Variants in PAPPA2 observed in about 807,000 individuals in gnomAD.
The protein encoded by PAPPA2 is pappalysin-2.
A neutral mutation model predicts 176.4 loss-of-function variants in PAPPA2; 86 were observed. The ratio of observed to expected loss-of-function variants is 0.49; its 90% CI spans 0.41 to 0.58. PAPPA2 has a LOEUF of 0.58. Ranked by LOEUF, PAPPA2 falls within the 20% of genes least tolerant of loss-of-function variation. PAPPA2 has a pLI of 0.00. For missense variants in PAPPA2, 2,073 were observed against 2,256.9 expected, an observed-to-expected ratio of 0.92 and a Z score of 1.65; for synonymous variants, 809 against 852.2, an observed-to-expected ratio of 0.95 and a Z score of 0.88.
intron 3 of PAPPA2, among the ~76,000 whole-genome samples, chr1:176,656,782 T>C (rs891952926): frequency 1.4e-5 from 2 of 143,660 alleles, no homozygotes; most frequent in Non-Finnish European, 3.1e-5. Flanking sequence ...CTCTCTCTCT[T>C]TCACACACAC....
At chr1:176,597,549 G>A (rs1349666545) in intron 3 of PAPPA2, among the ~76,000 whole-genome samples, 6 of 152,142 alleles carry the variant, frequency 3.9e-5, no homozygotes, top group South Asian at 2.1e-4. Context: ...TGGGGGGCTA[G>A]GGGAAGGATA....
chr1:176,773,056 C>T (rs1664304246), intron 17 of PAPPA2, among the ~76,000 whole-genome samples: 3 of 152,106 alleles, frequency 2.0e-5, no homozygotes, highest in Admixed American at 1.3e-4. Flanking sequence ...CCACCCAGAA[C>T]TCTGGGTGGA....
At chr1:176,779,965 G>T (rs147933486) in intron 17 of PAPPA2, among the ~76,000 whole-genome samples, 18 of 152,304 alleles carry the variant, frequency 1.2e-4, no homozygotes, top group African/African-American at 4.1e-4. Flanking sequence ...CACATCAAGG[G>T]ATGTAATGTC....
At chr1:176,656,971 G>A (rs558160397) in intron 3 of PAPPA2, among the ~76,000 whole-genome samples, 1 of 151,864 alleles carries the variant, frequency 6.6e-6, no homozygotes, top group South Asian at 2.1e-4. Flanking sequence ...ATTCAGAGAG[G>A]AATTACTGGG....
At position 176,692,287 on chromosome 1, in the gene PAPPA2, C is replaced by G. The variant is rs1407415165; in HGVS notation, c.2593C>G (p.Leu865Val). 1.3e-5 allele frequency: 21 copies of G among 1,613,710 alleles called. No individual in the cohort carries two copies. Among genetic ancestry groups the G allele is most frequent in the Non-Finnish European group, 1.6e-5 (19 of 1,179,760 alleles). Reference sequence around the variant, plus strand: ...CAACAAGTCCCTCACTATCCACTGGCTGCCTCCTATTAGTGGAGTTGTATA... The same window carrying G: ...CAACAAGTCCCTCACTATCCACTGGGTGCCTCCTATTAGTGGAGTTGTATA... Reference protein sequence around the residue: ...QTNKSLTIHWLPPISGVVYDR... With the variant: ...QTNKSLTIHWVPPISGVVYDR... The change falls in exon 6 of 23, where the codon CTG (leucine) becomes GTG (valine). Residue 865 changes from leucine to valine, a missense_variant. Transcript: ENST00000367662.
rs114184220 is a variant in PAPPA2 at position 176,486,072 on chromosome 1, G to T, written c.-917+22654G>T. Among the ~76,000 whole-genome samples, 986 of 152,322 alleles carry T rather than the reference G, an allele frequency of 6.5e-3. 3 individuals are homozygous for T. Among genetic ancestry groups the T allele is most frequent in the Non-Finnish European group, 0.01 (681 of 68,032 alleles). ...TTTGTTTATATAAATTCATCTTGGT[G>T]TGACTCCCTGTCTCCAGTGATGAAT... On this transcript the variant is annotated intron_variant, in intron 1 of 22. Transcript: ENST00000367662.
At chr1:176,747,124 T>C (rs181105858) in intron 14 of PAPPA2, among the ~76,000 whole-genome samples, 27 of 152,312 alleles carry the variant, frequency 1.8e-4, no homozygotes, top group African/African-American at 5.8e-4. Context: ...ATTTCAGAAA[T>C]CGATTCATGT....
At position 176,795,461 on chromosome 1, in the gene PAPPA2, A is replaced by G. The variant is rs146185097; in HGVS notation, c.5130+1792A>G. ...TATGTTAAGTTGAATTTTTATGATT[A>G]TCCTTAATCATGATGTCAAGAGAGT... On this transcript the variant is annotated intron_variant, in intron 20 of 22. Transcript: ENST00000367662. Among the ~76,000 whole-genome samples, 279 of 152,334 alleles carry G rather than the reference A, an allele frequency of 1.8e-3. 1 individual carries two copies. The highest frequency in any genetic ancestry group is 5.7e-3 in the African/African-American group (239 of 41,582).
At chr1:176,775,208 A>G (rs1664404151) in intron 17 of PAPPA2, among the ~76,000 whole-genome samples, 1 of 152,168 alleles carries the variant, frequency 6.6e-6, no homozygotes, top group African/African-American at 2.4e-5. Flanking sequence ...TATTTTGCTT[A>G]GCATCGTGTG....
intron 10 of PAPPA2, among the ~76,000 whole-genome samples, chr1:176,709,353 G>A (rs1661034427): frequency 6.6e-6 from 1 of 151,916 alleles, no homozygotes; most frequent in African/African-American, 2.4e-5. Flanking sequence ...TGAGACTCAG[G>A]CTTCCTATCA....
intron 20 of PAPPA2, among the ~76,000 whole-genome samples, chr1:176,797,491 T>C (rs546087428): frequency 6.6e-6 from 1 of 151,910 alleles, no homozygotes; most frequent in Non-Finnish European, 1.5e-5. Context: ...AAAATAAAAA[T>C]TTTTTAAAAT....
rs1667532909 is a variant in PAPPA2 at position 176,842,734 on chromosome 1, T to G, written c.*280T>G. Reference sequence around the variant, plus strand: ...ATAGATATATAAGGACCCTCCTCCCTCACTTATATTCTATTAAATCCTATC... The same window carrying G: ...ATAGATATATAAGGACCCTCCTCCCGCACTTATATTCTATTAAATCCTATC... On this transcript the variant is annotated 3_prime_UTR_variant, in exon 23 of 23. Transcript: ENST00000367662. The G allele has an allele frequency of 7.0e-6, 3 of 425,812 alleles. No individual in the cohort carries two copies. 26.4% of individuals were successfully genotyped at this position (425,812 alleles called of 1,614,324 possible). A position where few individuals can be genotyped will look rare whatever the true frequency, so the allele number is the denominator to read the frequency against.
intron 14 of PAPPA2, among the ~76,000 whole-genome samples, chr1:176,760,363 A>C (rs1663643234): frequency 1.3e-5 from 2 of 152,186 alleles, no homozygotes; most frequent in African/African-American, 4.8e-5. Flanking sequence ...CTCCTTCTGG[A>C]GTCAGTCTTG....
Position 176,793,641 on chromosome 1 carries a change from A to G in PAPPA2, c.5102A>G (p.Glu1701Gly). The change falls in exon 20 of 23, where the codon GAG (glutamate) becomes GGG (glycine). Residue 1701 changes from glutamate to glycine, a missense_variant. Glu to Gly is a moderately conservative substitution (Grantham distance 98, BLOSUM62 -2). Transcript: ENST00000367662. ...GAGAATATCACTGCTGACACTCTGG[A>G]GCACTGGATGGAACCTGTCAAAGTC... ...LPENITADTLEHWMEPVKVQS... is the reference protein window; with the variant it reads ...LPENITADTLGHWMEPVKVQS... 1 of 1,612,082 alleles carries G rather than the reference A, an allele frequency of 6.2e-7. No individual in the cohort carries two copies. Among genetic ancestry groups the G allele is most frequent in the Non-Finnish European group, 8.5e-7 (1 of 1,178,532 alleles).
At chr1:176,733,616 C>G (rs1662265241) in intron 12 of PAPPA2, among the ~76,000 whole-genome samples, 2 of 152,160 alleles carry the variant, frequency 1.3e-5, no homozygotes, top group Non-Finnish European at 2.9e-5. Context: ...ACGATAGAAT[C>G]CTACCCAGCC....
intron 1 of PAPPA2, among the ~76,000 whole-genome samples, chr1:176,552,516 TC>T (rs1357766041): frequency 1.3e-5 from 2 of 151,176 alleles, no homozygotes; most frequent in African/African-American, 2.4e-5. Context: ...CCTTTCCCTC[TC>T]CGTCCTGGTC....
In PAPPA2 at chr1:176,594,940, A is replaced by G. The variant is rs141719429; in HGVS notation, c.1336A>G (p.Ser446Gly). Residue 446 changes from serine to glycine, a missense_variant, in exon 3 of 23, where the codon AGT (serine) becomes GGT (glycine). Physicochemically the swap from Ser to Gly is moderately conservative, Grantham distance 56. Coordinates refer to ENST00000367662, the MANE Select transcript of PAPPA2 (RefSeq NM_020318.3). The part of the protein sequence containing the change: ...SHFQHSSQHS[S>G]GEEEATDLVL... Reference sequence around the variant, plus strand: ...TTTTCAGCACAGTTCTCAGCATTCAAGTGGGGAGGAGGAAGCGACTGACTT... The same window carrying G: ...TTTTCAGCACAGTTCTCAGCATTCAGGTGGGGAGGAGGAAGCGACTGACTT... 3.1e-6 allele frequency: 5 copies of G among 1,614,190 alleles called. No individual in the cohort carries two copies. In the Admixed American group the frequency reaches 5.0e-5, roughly 16 times the overall value.
At chr1:176,619,296 A>G (rs1655450145) in intron 3 of PAPPA2, among the ~76,000 whole-genome samples, 1 of 152,172 alleles carries the variant, frequency 6.6e-6, no homozygotes, top group Non-Finnish European at 1.5e-5. Context: ...TCAATTTTAA[A>G]AAGAGATCTG....
At chr1:176,567,460 A>C (rs559125201) in intron 2 of PAPPA2, among the ~76,000 whole-genome samples, 1 of 152,360 alleles carries the variant, frequency 6.6e-6, no homozygotes, top group South Asian at 2.1e-4. Context: ...TCATCATTCA[A>C]GTGGTGACTC....
Sources: gnomAD v4.1 joint callset for allele counts (sites outside exome capture counted in the v4.1 genomes callset) on GRCh38, gnomAD v4.1.1 for gene constraint, MANE v1.5 for transcripts, NCBI Gene and HGNC (gene_info 2026-07-23, HGNC 2026-07-21) for gene names.